SOS2: variants seen among roughly 807,000 people sequenced by gnomAD.
The protein encoded by SOS2 is son of sevenless homolog 2.
In SOS2, 65 loss-of-function variants were observed where a neutral mutation model predicts 148.2. The ratio of observed to expected loss-of-function variants is 0.44; its 90% CI spans 0.36 to 0.54. SOS2 has a LOEUF of 0.54. SOS2 is among the 20% of genes least tolerant of loss of function. The probability of loss-of-function intolerance (pLI) is 0.00; values close to 1 mark genes in which losing one functional copy is unlikely to be tolerated. For synonymous variants in SOS2, 539 were observed against 537.1 expected, an observed-to-expected ratio of 1.00 and a Z score of -0.05; for missense variants, 1,341 against 1,590.2, an observed-to-expected ratio of 0.84 and a Z score of 2.67.
intron 12 of SOS2, among the ~76,000 whole-genome samples, chr14:50,154,832 TGTA>T (rs1308627221): frequency 6.6e-6 from 1 of 152,188 alleles, no homozygotes; most frequent in Non-Finnish European, 1.5e-5. Context: ...CTTTCTGGGG[TGTA>T]GTAACATTTG....
At position 50,134,796 on chromosome 14, in the gene SOS2, GAGCACGGTGGCTCACGCCTGT is replaced by G. The variant is rs563636123; in HGVS notation, c.2959-578_2959-558del. 5.3e-5 allele frequency among the ~76,000 whole-genome samples: 8 copies of G among 152,082 alleles called. No homozygotes were observed. In the South Asian group the frequency reaches 1.7e-3, roughly 32 times the overall value. Reference sequence around the variant, plus strand: ...GTAATGTCAAGAATGATTATAGGCCGAGCACGGTGGCTCACGCCTGTAATCCCACCACTTTGGGAGGCTGAG... The same window carrying G: ...GTAATGTCAAGAATGATTATAGGCCGAATCCCACCACTTTGGGAGGCTGAG... On this transcript the variant is annotated intron_variant, in intron 18 of 22. Transcript: ENST00000216373.
chr14:50,196,592 C>T (rs537926241), intron 4 of SOS2, among the ~76,000 whole-genome samples: 40 of 152,174 alleles, frequency 2.6e-4, no homozygotes, highest in Non-Finnish European at 4.4e-4. Context: ...AGCCTTGTAA[C>T]CATCATTCTA....
chr14:50,187,962 G>A (rs535879087), intron 5 of SOS2, among the ~76,000 whole-genome samples: 6 of 152,124 alleles, frequency 3.9e-5, no homozygotes, highest in South Asian at 2.1e-4. Flanking sequence ...ACTGCATAAC[G>A]GAAAATGATT....
intron 7 of SOS2, 59 bp downstream of exon 7, chr14:50,180,513 G>C: frequency 1.5e-6 from 1 of 683,548 alleles, no homozygotes; most frequent in Non-Finnish European, 2.4e-6. Context: ...ATAAAATAGT[G>C]AGATATTTAT....
intron 21 of SOS2, among the ~76,000 whole-genome samples, chr14:50,122,894 T>G (rs1883563993): frequency 6.6e-6 from 1 of 152,244 alleles, no homozygotes; most frequent in African/African-American, 2.4e-5. Flanking sequence ...ATTCATTCAT[T>G]CAACAGTTAT....
intron 4 of SOS2, among the ~76,000 whole-genome samples, chr14:50,196,536 G>C (rs910403343): frequency 1.3e-5 from 2 of 151,432 alleles, no homozygotes; most frequent in Non-Finnish European, 2.9e-5. Context: ...CAATATTTTT[G>C]TACCCATTAA....
At chr14:50,125,442 GC>G (rs1239443253) in intron 21 of SOS2, among the ~76,000 whole-genome samples, 3 of 152,118 alleles carry the variant, frequency 2.0e-5, no homozygotes, top group African/African-American at 7.2e-5. Context: ...CTTTGTTATG[GC>G]AGTACTAAGA....
intron 21 of SOS2, among the ~76,000 whole-genome samples, chr14:50,123,398 T>TTTTA (rs1883585679): frequency 6.7e-6 from 1 of 148,406 alleles, no homozygotes. Context: ...TTTTTTTTTT[T>TTTTA]GAGATGGAGT....
At chr14:50,220,127 G>A (rs1321556450) in intron 1 of SOS2, among the ~76,000 whole-genome samples, 1 of 150,186 alleles carries the variant, frequency 6.7e-6, no homozygotes, top group African/African-American at 2.5e-5. Flanking sequence ...TGGGCCAGGC[G>A]CGGTGGCTCA....
intron 1 of SOS2, chr14:50,215,597 G>T: frequency 2.3e-6 from 1 of 439,824 alleles, no homozygotes; most frequent in Non-Finnish European, 3.0e-6. Context: ...CAAATTGCCA[G>T]AAGGCATTTC....
chr14:50,157,550 T>C (rs747662058), intron 11 of SOS2, among the ~76,000 whole-genome samples: 1 of 152,070 alleles, frequency 6.6e-6, no homozygotes, highest in Non-Finnish European at 1.5e-5. Flanking sequence ...TTTACCTAAG[T>C]GGATAAGATA....
At chr14:50,183,449 T>C (rs961914684) in intron 5 of SOS2, among the ~76,000 whole-genome samples, 5 of 151,564 alleles carry the variant, frequency 3.3e-5, no homozygotes, top group African/African-American at 1.2e-4. Context: ...CAAATTAATA[T>C]ATTCCAAGAC....
intron 16 of SOS2, among the ~76,000 whole-genome samples, chr14:50,144,901 G>A (rs965074510): frequency 1.3e-5 from 2 of 152,010 alleles, no homozygotes; most frequent in Middle Eastern, 3.4e-3. Context: ...TTACATTTAG[G>A]TTAAGTACAT....
rs1203751748 is a variant in SOS2, at chr14:50,188,657, G to T, written c.554C>A (p.Ser185Tyr). 15 of 1,610,384 alleles carry T rather than the reference G, an allele frequency of 9.3e-6. No homozygotes were observed. The highest frequency in any genetic ancestry group is 1.3e-5 in the Non-Finnish European group (15 of 1,178,458). Residue 185 changes from serine (S) to tyrosine (Y), a missense_variant, in exon 5 of 23, where the codon TCT (serine) becomes TAT (tyrosine). Ser to Tyr is a moderately radical substitution (Grantham distance 144, BLOSUM62 -2). This residue lies in a region of SOS2 where 574 missense variants were observed against 711.1 expected (regional missense o/e 0.81). Transcript: ENST00000216373. Reference sequence around the variant, plus strand: ...AGAACTAGGTTCATCTTCACAGAGAGAAACCAAACCTATGTCATCCTGATC... The same window carrying T: ...AGAACTAGGTTCATCTTCACAGAGATAAACCAAACCTATGTCATCCTGATC... ...MFDQDDIGLV[S>Y]LCEDEPSSSG... is the part of the protein sequence containing the mutation.
chr14:50,157,103 T>C lies in SOS2; in HGVS notation c.1953A>G (p.Pro651=), dbSNP rs1171501998. ...CCAATTTGTCTGCGTCAGTAGGTTCTGGCTCTGGAATTTCAAACCTAAGAA... is the reference window on the plus strand; with the variant it reads ...CCAATTTGTCTGCGTCAGTAGGTTCCGGCTCTGGAATTTCAAACCTAAGAA... The part of the protein sequence containing the change: ...LLIERFEIPE[P]EPTDADKLAI... The change falls in exon 12 of 23, where the codon CCA becomes CCG. Residue 651 remains proline (P), a synonymous_variant. Transcript: ENST00000216373. The C allele has an allele frequency of 1.2e-6, 2 of 1,611,934 alleles. No individual in the cohort carries two copies. Among genetic ancestry groups the C allele is most frequent in the Non-Finnish European group, 1.7e-6 (2 of 1,178,732 alleles).
intron 17 of SOS2, 47 bp downstream of exon 17, chr14:50,139,895 G>T: frequency 2.3e-6 from 2 of 885,798 alleles, no homozygotes; most frequent in South Asian, 1.5e-5. Context: ...CTCTCTTTTG[G>T]CTATCACACG....
At chr14:50,140,104 CAT>C (rs1566823563) in intron 16 of SOS2, 45 bp from the exon 17 acceptor site, 1 of 951,990 alleles carries the variant, frequency 1.1e-6, no homozygotes, top group Non-Finnish European at 1.6e-6. Flanking sequence ...ACAATTCAAT[CAT>C]ATTTTATAAA....
At chr14:50,132,196 C>G (rs1013921472) in intron 19 of SOS2, among the ~76,000 whole-genome samples, 3 of 151,838 alleles carry the variant, frequency 2.0e-5, no homozygotes, top group African/African-American at 7.3e-5. Context: ...GAAGTGTGGT[C>G]CAGTCAAAGC....
intron 1 of SOS2, among the ~76,000 whole-genome samples, chr14:50,217,817 G>T (rs892598958): frequency 6.6e-6 from 1 of 151,918 alleles, no homozygotes; most frequent in Non-Finnish European, 1.5e-5. Flanking sequence ...TTAGCTGGGC[G>T]TGGTGGCGGG....
Sources: gnomAD v4.1 joint callset for allele counts (sites outside exome capture counted in the v4.1 genomes callset) on GRCh38, gnomAD v4.1.1 for gene constraint, gnomAD v4.1.1 regional missense constraint, MANE v1.5 for transcripts, NCBI Gene and HGNC (gene_info 2026-07-23, HGNC 2026-07-21) for gene names.